ANKMY2: variants seen among roughly 807,000 people sequenced by gnomAD.
ANKMY2 encodes the protein ankyrin repeat and MYND domain-containing protein 2.
In ANKMY2, 36 loss-of-function variants were observed where a neutral mutation model predicts 50.4. The observed-to-expected ratio is 0.71, with a 90% confidence interval of 0.55 to 0.94. The LOEUF is 0.94. Among genes scored for constraint, ANKMY2 ranks in the 40% least tolerant of loss-of-function variants. ANKMY2 has a pLI of 0.00. For synonymous variants in ANKMY2, 187 were observed against 178.8 expected (o/e 1.05, Z -0.36); for missense variants, 565 against 524.0 (o/e 1.08, Z -0.76).
intron 2 of ANKMY2, among the ~76,000 whole-genome samples, chr7:16,631,772 G>A (rs1330394801): frequency 3.3e-5 from 5 of 151,894 alleles, no homozygotes; most frequent in Admixed American, 6.6e-5. Context: ...CCGCCACCAC[G>A]CCTGGCTAAT....
Position 16,604,746 on chromosome 7 carries a change from C to T in ANKMY2, c.986G>A (p.Ser329Asn), listed in dbSNP as rs1197716435. 6.2e-7 allele frequency: 1 copy of T among 1,613,856 alleles called. No homozygotes were observed. The highest frequency in any genetic ancestry group is 2.2e-5 in the East Asian group (1 of 44,878). Reference protein sequence around the residue: ...FCTTCGEKGASKRCSVCKMVI... With the variant: ...FCTTCGEKGANKRCSVCKMVI... The stretch of plus-strand genomic sequence containing the variant: ...CATTTTGCAAACTGAACATCTTTTA[C>T]TTGCTCCCTTTTCTCCACAGGTAGT... The change falls in exon 8 of 10, where the codon AGT (serine) becomes AAT (asparagine). Residue 329 changes from serine to asparagine, a missense_variant. Ser to Asn is a conservative substitution (Grantham distance 46). Coordinates refer to ENST00000306999, the MANE Select transcript of ANKMY2 (RefSeq NM_020319.3).
At chr7:16,624,434 A>G (rs1424672596) in intron 4 of ANKMY2, among the ~76,000 whole-genome samples, 1 of 152,228 alleles carries the variant, frequency 6.6e-6, no homozygotes, top group Non-Finnish European at 1.5e-5. Flanking sequence ...AATGATAACG[A>G]AGTAGTTGTA....
intron 2 of ANKMY2, among the ~76,000 whole-genome samples, chr7:16,630,214 T>C (rs369576239): frequency 6.6e-6 from 1 of 152,212 alleles, no homozygotes. Flanking sequence ...AATTCATCAA[T>C]TCTAAGATGC....
intron 4 of ANKMY2, among the ~76,000 whole-genome samples, chr7:16,621,492 C>T (rs541428351): frequency 2.0e-5 from 3 of 152,068 alleles, no homozygotes; most frequent in Middle Eastern, 3.4e-3. Context: ...TAAATGGTGC[C>T]ATCACAATTA....
At chr7:16,605,994 A>AT (rs1267390970) in intron 7 of ANKMY2, among the ~76,000 whole-genome samples, 1 of 150,244 alleles carries the variant, frequency 6.7e-6, no homozygotes, top group Non-Finnish European at 1.5e-5. Context: ...ATATTTTGTA[A>AT]TTTTAGTAGA....
intron 5 of ANKMY2, among the ~76,000 whole-genome samples, chr7:16,611,223 G>A (rs1237072358): frequency 1.3e-5 from 2 of 152,158 alleles, no homozygotes; most frequent in Non-Finnish European, 2.9e-5. Flanking sequence ...ACAAGAAAAT[G>A]AGATTTTTTC....
intron 1 of ANKMY2, among the ~76,000 whole-genome samples, chr7:16,641,218 G>A (rs1781740819): frequency 6.7e-6 from 1 of 148,236 alleles, no homozygotes; most frequent in African/African-American, 2.5e-5. Flanking sequence ...TGGGTGACAG[G>A]GTGAGACCCT....
intron 2 of ANKMY2, among the ~76,000 whole-genome samples, chr7:16,627,424 A>G (rs184100140): frequency 1.3e-3 from 195 of 152,294 alleles, no homozygotes; most frequent in African/African-American, 4.5e-3. Context: ...TCAACCTCAC[A>G]TGACTAATAA....
rs921405729 is a variant in ANKMY2, at chr7:16,600,613, G to A, written c.*148C>T. The A allele has an allele frequency of 9.4e-6, 5 of 533,122 alleles. No individual in the cohort carries two copies. The East Asian group carries it at 1.3e-4, about 14-fold the overall frequency. The allele number at this position is 533,122 out of a possible 1,614,324, so 33.0% of individuals were successfully genotyped here. ...ATAGGAAATTAGGGCATGGTCAACA[G>A]GGGTTTGCTTGAAAACCTGTATTCT... is the stretch of plus-strand genomic sequence containing the variant. On this transcript the variant is annotated 3_prime_UTR_variant, in exon 10 of 10. Transcript: ENST00000306999.
intron 2 of ANKMY2, 92 bp downstream of exon 2, chr7:16,636,299 T>G: frequency 3.7e-6 from 2 of 541,122 alleles, no homozygotes; most frequent in Non-Finnish European, 5.2e-6. Flanking sequence ...CAACACTCCA[T>G]CTCAAAAAAA....
chr7:16,643,776 A>C (rs1524751), intron 1 of ANKMY2, among the ~76,000 whole-genome samples: 85,812 of 150,750 alleles, frequency 0.57, 24,803 homozygotes, highest in Admixed American at 0.63. Flanking sequence ...CCCAGCACTT[A>C]GGGAGGCCGA....
At chr7:16,635,114 C>T (rs7777791) in intron 2 of ANKMY2, among the ~76,000 whole-genome samples, 48,735 of 151,958 alleles carry the variant, frequency 0.32, 8,872 homozygotes, top group Non-Finnish European at 0.39. Flanking sequence ...CAACCCAAAA[C>T]TCTAACAGCT....
At chr7:16,633,025 T>G (rs190232639) in intron 2 of ANKMY2, among the ~76,000 whole-genome samples, 1 of 152,220 alleles carries the variant, frequency 6.6e-6, no homozygotes, top group South Asian at 2.1e-4. Context: ...TTTTTCATTA[T>G]GTATTGATCA....
At chr7:16,620,783 C>T (rs1448241350) in intron 4 of ANKMY2, among the ~76,000 whole-genome samples, 1 of 152,006 alleles carries the variant, frequency 6.6e-6, no homozygotes, top group East Asian at 1.9e-4. Context: ...ACAGAACCCA[C>T]CTATATGTTT....
chr7:16,631,616 T>C (rs1202911999), intron 2 of ANKMY2, among the ~76,000 whole-genome samples: 3 of 151,780 alleles, frequency 2.0e-5, no homozygotes, highest in African/African-American at 7.3e-5. Flanking sequence ...CCAGTTTTTC[T>C]ACTTTTTTTT....
chr7:16,602,549 G>T, intron 8 of ANKMY2, 40 bp from the exon 9 acceptor site: 1 of 1,591,342 alleles, frequency 6.3e-7, no homozygotes, highest in Non-Finnish European at 8.5e-7. Flanking sequence ...TCCAGAGCTT[G>T]GGTTGTATGA....
At chr7:16,645,376 C>G in intron 1 of ANKMY2, 131 bp downstream of exon 1, 1 of 893,190 alleles carries the variant, frequency 1.1e-6, no homozygotes, top group South Asian at 1.8e-5. Context: ...GAGAAACGCT[C>G]TTTCCCGGTT....
intron 1 of ANKMY2, among the ~76,000 whole-genome samples, chr7:16,637,390 T>C (rs1781678316): frequency 6.6e-6 from 1 of 152,226 alleles, no homozygotes; most frequent in African/African-American, 2.4e-5. Context: ...AAGATTAGCA[T>C]GCTTTTTTCT....
chr7:16,622,601 G>A (rs561925951), intron 4 of ANKMY2, among the ~76,000 whole-genome samples: 2 of 152,122 alleles, frequency 1.3e-5, no homozygotes, highest in East Asian at 1.9e-4. Flanking sequence ...TTAGCTAGGC[G>A]TGGTGGCGCA....
Sources: gnomAD v4.1 joint callset for allele counts (sites outside exome capture counted in the v4.1 genomes callset) on GRCh38, gnomAD v4.1.1 for gene constraint, MANE v1.5 for transcripts, NCBI Gene and HGNC (gene_info 2026-07-23, HGNC 2026-07-21) for gene names.